The following ZNF679 variants were observed in gnomAD, a reference collection of about 807,000 sequenced individuals.
The protein encoded by ZNF679 is hypothetical protein MGC42415.
In ZNF679, 10 loss-of-function variants were observed where a neutral mutation model predicts 13.4. The ratio of observed to expected loss-of-function variants is 0.75; its 90% confidence interval spans 0.46 to 1.27. The LOEUF is 1.27. Among genes scored for constraint, ZNF679 ranks in the 50% most tolerant of loss-of-function variants. ZNF679 has a pLI of 0.00. For synonymous variants in ZNF679, 179 were observed against 162.5 expected, an observed-to-expected ratio of 1.10 and a Z score of -0.77; for missense variants, 525 against 477.8, an observed-to-expected ratio of 1.10 and a Z score of -0.92.
intron 4 of ZNF679, among the ~76,000 whole-genome samples, chr7:64,265,065 G>A (rs1168294470): frequency 6.6e-6 from 1 of 151,704 alleles, no homozygotes; most frequent in Non-Finnish European, 1.5e-5. Context: ...ATTAATATAT[G>A]CCTCTTTATT....
chr7:64,266,584 T>A lies in ZNF679; in HGVS notation c.951T>A (p.Ile317=). The A allele has an allele frequency of 1.9e-6, 3 of 1,604,880 alleles. No individual in the cohort carries two copies. Among genetic ancestry groups the A allele is most frequent in the Non-Finnish European group, 2.6e-6 (3 of 1,171,978 alleles). Residue 317 remains isoleucine (I), a synonymous_variant, in exon 5 of 5, where the codon ATT becomes ATA. Coordinates refer to ENST00000421025, the MANE Select transcript of ZNF679 (RefSeq NM_153363.3). The part of the protein sequence containing the change: ...LSSSLTYHKR[I]HTGEKPYTCE... ...CATCCCTCACTTACCACAAGAGAAT[T>A]CATACTGGAGAGAAACCCTACACAT...
intron 1 of ZNF679, among the ~76,000 whole-genome samples, chr7:64,235,814 G>C (rs990577451): frequency 1.4e-5 from 2 of 140,382 alleles, no homozygotes; most frequent in African/African-American, 5.3e-5. Context: ...AAGAAAGAAA[G>C]AGACAGAGAG....
At chr7:64,259,308 C>G (rs1194322002) in intron 2 of ZNF679, among the ~76,000 whole-genome samples, 1 of 152,126 alleles carries the variant, frequency 6.6e-6, no homozygotes. Flanking sequence ...TTAAAATGTT[C>G]CCATTGTAGC....
Position 64,230,785 on chromosome 7 carries a change from G to T in ZNF679, c.-91+2133G>T, listed in dbSNP as rs531620493. ...ACACTTGAGAGTTGGGTACAAGTTT[G>T]CAAGTCAGAATCTCAGTGGTGATCT... On this transcript the variant is annotated intron_variant, in intron 1 of 4. Coordinates refer to ENST00000421025, the MANE Select transcript of ZNF679 (RefSeq NM_153363.3). Among the ~76,000 whole-genome samples the T allele has an allele frequency of 2.0e-5, 3 of 152,288 alleles. No individual in the cohort carries two copies. The East Asian group carries it at 5.8e-4, about 29-fold the overall frequency.
At position 64,262,688 on chromosome 7, in the gene ZNF679, G is replaced by A. The variant is rs149495276; in HGVS notation, c.262+1759G>A. Among the ~76,000 whole-genome samples, 55 of 152,096 alleles carry A rather than the reference G, an allele frequency of 3.6e-4. No homozygotes were observed. In the East Asian group the frequency reaches 8.9e-3, roughly 25 times the overall value. On this transcript the variant is annotated intron_variant, in intron 4 of 4. Transcript: ENST00000421025. Reference sequence around the variant, plus strand: ...ATCATGTCCTTATTTGTCTTTGTGTGGATACCACATAGTCATTGTTATTGT... The same window carrying A: ...ATCATGTCCTTATTTGTCTTTGTGTAGATACCACATAGTCATTGTTATTGT...
chr7:64,260,113 C>G (rs753697738), intron 2 of ZNF679, 108 bp from the exon 3 acceptor site: 117 of 993,688 alleles, frequency 1.2e-4, no homozygotes, highest in Non-Finnish European at 1.7e-4. Context: ...GTGAGAAACA[C>G]TTCTTTTTAC....
chr7:64,265,841 G>A, intron 4 of ZNF679, 55 bp from the exon 5 acceptor site: 1 of 1,550,118 alleles, frequency 6.5e-7, no homozygotes, highest in Non-Finnish European at 8.7e-7. Context: ...GATTTGTAAA[G>A]TATATCTATC....
At chr7:64,257,196 T>C (rs1788015569) in intron 2 of ZNF679, among the ~76,000 whole-genome samples, 1 of 152,226 alleles carries the variant, frequency 6.6e-6, no homozygotes, top group African/African-American at 2.4e-5. Context: ...TTGAGATCTT[T>C]CTAACTCTTT....
chr7:64,258,881 T>G (rs1052186088), intron 2 of ZNF679, among the ~76,000 whole-genome samples: 2 of 147,998 alleles, frequency 1.4e-5, no homozygotes, highest in African/African-American at 4.9e-5. Flanking sequence ...AGCATAGTCT[T>G]CTTTTTTTGT....
chr7:64,236,999 GAAAAA>G (rs1584225706), intron 1 of ZNF679, among the ~76,000 whole-genome samples: 2 of 44,594 alleles, frequency 4.5e-5, no homozygotes, highest in East Asian at 2.1e-3. Flanking sequence ...AAGAAAGAAA[GAAAAA>G]GAAAGAAAGA....
intron 1 of ZNF679, among the ~76,000 whole-genome samples, chr7:64,230,665 C>T (rs539934353): frequency 2.0e-5 from 3 of 152,234 alleles, no homozygotes; most frequent in Admixed American, 2.0e-4. Context: ...ATATCATGAG[C>T]TGGGCCAAGG....
intron 1 of ZNF679, among the ~76,000 whole-genome samples, chr7:64,247,100 A>G (rs1253649937): frequency 6.6e-6 from 1 of 152,220 alleles, no homozygotes; most frequent in Non-Finnish European, 1.5e-5. Context: ...ATGCTAATGC[A>G]TTATAATTAG....
At chr7:64,253,535 A>T (rs1787968439) in intron 2 of ZNF679, among the ~76,000 whole-genome samples, 1 of 152,222 alleles carries the variant, frequency 6.6e-6, no homozygotes, top group Non-Finnish European at 1.5e-5. Flanking sequence ...GAAAGACCTT[A>T]CTTAAAATAA....
chr7:64,240,520 T>C (rs921365662), intron 1 of ZNF679, among the ~76,000 whole-genome samples: 2 of 152,202 alleles, frequency 1.3e-5, no homozygotes, highest in African/African-American at 4.8e-5. Context: ...TACAGTGTCA[T>C]AACAGGACCC....
At chr7:64,244,772 G>A (rs1402545382) in intron 1 of ZNF679, among the ~76,000 whole-genome samples, 2 of 152,316 alleles carry the variant, frequency 1.3e-5, no homozygotes, top group East Asian at 3.9e-4. Context: ...CTGAGCTACA[G>A]CACTGAGCAG....
rs948433156 is a variant in ZNF679, at chr7:64,230,539, C to CAA, written c.-91+1903_-91+1904dup. Among the ~76,000 whole-genome samples, 127 of 61,136 alleles carry CAA rather than the reference C, an allele frequency of 2.1e-3. 2 individuals are homozygous for CAA. The East Asian group carries it at 0.044, about 21-fold the overall frequency. 40.1% of individuals were successfully genotyped at this position (61,136 alleles called of 152,430 possible). ...TGGGCGACAGAGCGAGACTCCGTCT[C>CAA]AAAAAAAAAAAAAAAAAGAAAAAGA... is the stretch of plus-strand genomic sequence containing the variant. On this transcript the variant is annotated intron_variant, in intron 1 of 4. Coordinates refer to ENST00000421025, the MANE Select transcript of ZNF679 (RefSeq NM_153363.3).
At chr7:64,231,204 G>A (rs1260172690) in intron 1 of ZNF679, among the ~76,000 whole-genome samples, 4 of 152,226 alleles carry the variant, frequency 2.6e-5, no homozygotes, top group Non-Finnish European at 5.9e-5. Flanking sequence ...ATTTGGAAGA[G>A]TCAAAATCTT....
intron 1 of ZNF679, among the ~76,000 whole-genome samples, chr7:64,241,694 G>A (rs1196733190): frequency 6.6e-6 from 1 of 152,170 alleles, no homozygotes; most frequent in African/African-American, 2.4e-5. Flanking sequence ...CCAGTGATAG[G>A]TCACAATCCC....
At chr7:64,237,990 G>A (rs1787749901) in intron 1 of ZNF679, among the ~76,000 whole-genome samples, 1 of 152,128 alleles carries the variant, frequency 6.6e-6, no homozygotes, top group Admixed American at 6.5e-5. Context: ...TTTGTGTTCT[G>A]TAAGAACAAC....
Sources: allele counts gnomAD v4.1 joint callset (sites outside exome capture counted in the v4.1 genomes callset), GRCh38; gene constraint gnomAD v4.1.1; transcripts MANE v1.5; gene names NCBI Gene and HGNC (gene_info 2026-07-23, HGNC 2026-07-21).